The following IFT43 variants were observed in gnomAD, a reference collection of about 807,000 sequenced individuals.
IFT43 encodes intraflagellar transport 43, also known as intraflagellar transport protein 43 homolog.
A neutral mutation model predicts 32.3 loss-of-function variants in IFT43; 33 were observed. The ratio of observed to expected loss-of-function variants is 1.02; its 90% CI spans 0.77 to 1.37. IFT43 has a LOEUF of 1.37. Among genes scored for constraint, IFT43 ranks in the 40% most tolerant of loss-of-function variants. IFT43 has a pLI of 0.00. For missense variants in IFT43, 274 were observed against 265.9 expected (o/e 1.03, Z -0.21); for synonymous variants, 93 against 98.2 (o/e 0.95, Z 0.31).
chr14:76,042,875 G>A (rs907130002), intron 3 of IFT43, among the ~76,000 whole-genome samples: 1 of 152,182 alleles, frequency 6.6e-6, no homozygotes, highest in Non-Finnish European at 1.5e-5. Context: ...CCAGAGCGAG[G>A]CACTCCAAGT....
intron 4 of IFT43, chr14:76,058,921 TCAGGGTACTGGCC>T: frequency 6.9e-7 from 1 of 1,454,428 alleles, no homozygotes; most frequent in Non-Finnish European, 9.0e-7. Context: ...TGTCCAGGTA[TCAGGGTACTGGCC>T]CATGCCTTCT....
intron 5 of IFT43, among the ~76,000 whole-genome samples, chr14:76,071,399 G>C (rs937581184): frequency 1.3e-5 from 2 of 152,184 alleles, no homozygotes; most frequent in African/African-American, 4.8e-5. Flanking sequence ...TCTTACAGAG[G>C]AGGAAACCAA....
chr14:76,077,967 A>T (rs562073886), intron 5 of IFT43, among the ~76,000 whole-genome samples: 88 of 152,314 alleles, frequency 5.8e-4, no homozygotes, highest in African/African-American at 2.1e-3. Context: ...ACACCCCCAA[A>T]TTAAATCCTC....
rs57199375 is a variant in IFT43 at position 76,082,440 on chromosome 14, GGACCTT to G, written c.368+76_368+81del. The G allele has an allele frequency of 0.37, 432,535 of 1,176,082 alleles. 82,264 individuals are homozygous for G. The highest frequency in any genetic ancestry group is 0.42 in the East Asian group (17,808 of 42,896). The allele number at this position is 1,176,082 out of a possible 1,614,324, so 72.9% of individuals were successfully genotyped here. A position where few individuals can be genotyped will look rare whatever the true frequency, so the allele number is the denominator to read the frequency against. On this transcript the variant is annotated intron_variant, in intron 6 of 8. Transcript: ENST00000314067. ...ATACACTCCAGATATCATCTATAGT[GGACCTT>G]GATGTCAATCTGGATCTTTCTGGTG...
chr14:75,999,296 T>TTA (rs2035838616), intron 2 of IFT43, among the ~76,000 whole-genome samples: 1 of 118,030 alleles, frequency 8.5e-6, no homozygotes, highest in African/African-American at 3.4e-5. Context: ...TTTTTTTTTT[T>TTA]TTTTAATTTT....
rs1269045394 is a variant in IFT43, at chr14:76,067,043, CCCTT to C, written c.295+7676_295+7679del. Among the ~76,000 whole-genome samples the C allele has an allele frequency of 3.3e-5, 5 of 152,188 alleles. No individual in the cohort carries two copies. In the East Asian group the frequency reaches 9.6e-4, roughly 29 times the overall value. ...GAGCTTCTGATCCAGTGAGGAAATG[CCCTT>C]CCTTCTCTTTCTTTCGGTCTTTCAT... On this transcript the variant is annotated intron_variant, in intron 5 of 8. Coordinates refer to ENST00000314067, the MANE Select transcript of IFT43 (RefSeq NM_001102564.3).
chr14:76,056,283 G>A (rs2037013340), intron 3 of IFT43, among the ~76,000 whole-genome samples: 1 of 152,200 alleles, frequency 6.6e-6, no homozygotes, highest in African/African-American at 2.4e-5. Context: ...GGGCATCCCT[G>A]CTGCCCGTCC....
chr14:76,011,294 T>C (rs1463665167), intron 2 of IFT43, among the ~76,000 whole-genome samples: 1 of 152,172 alleles, frequency 6.6e-6, no homozygotes, highest in Non-Finnish European at 1.5e-5. Context: ...CTGGGTTTGT[T>C]TGATTCTTTC....
chr14:76,030,346 G>A (rs1363774487), intron 3 of IFT43, among the ~76,000 whole-genome samples: 9 of 152,058 alleles, frequency 5.9e-5, no homozygotes, highest in African/African-American at 1.2e-4. Context: ...ATTAGAGTAC[G>A]TGCTTGCTTT....
chr14:75,995,003 GC>G (rs772185117), intron 2 of IFT43, among the ~76,000 whole-genome samples: 27 of 152,304 alleles, frequency 1.8e-4, no homozygotes, highest in Non-Finnish European at 3.5e-4. Flanking sequence ...TTTTGGCTTA[GC>G]TTTTATTTTG....
At chr14:76,039,868 ATGGGAACATATGCAT>A (rs1351738337) in intron 3 of IFT43, among the ~76,000 whole-genome samples, 3 of 152,174 alleles carry the variant, frequency 2.0e-5, no homozygotes, top group African/African-American at 7.2e-5. Flanking sequence ...ACAGACACAA[ATGGGAACATATGCAT>A]TCTGCACTTT....
chr14:76,064,852 CT>C (rs2037201641), intron 5 of IFT43, among the ~76,000 whole-genome samples: 1 of 152,202 alleles, frequency 6.6e-6, no homozygotes, highest in Non-Finnish European at 1.5e-5. Flanking sequence ...CTCCTCCAGG[CT>C]TTTCTCCACC....
At chr14:76,029,644 T>C (rs2036468998) in intron 3 of IFT43, among the ~76,000 whole-genome samples, 1 of 152,076 alleles carries the variant, frequency 6.6e-6, no homozygotes, top group South Asian at 2.1e-4. Context: ...TCTTATATAG[T>C]GATAGGAAGG....
chr14:75,993,484 C>G (rs1275627832), intron 2 of IFT43, among the ~76,000 whole-genome samples: 1 of 152,190 alleles, frequency 6.6e-6, no homozygotes, highest in Non-Finnish European at 1.5e-5. Flanking sequence ...TTTGATCTGC[C>G]TGGTTCCCAT....
intron 5 of IFT43, among the ~76,000 whole-genome samples, chr14:76,077,123 G>T (rs898367138): frequency 2.0e-5 from 3 of 152,094 alleles, no homozygotes; most frequent in Non-Finnish European, 2.9e-5. Context: ...CCAGCCTCAG[G>T]TTGGAAGCCA....
intron 3 of IFT43, among the ~76,000 whole-genome samples, chr14:76,037,691 G>GTTTTTTTTTTTT (rs34567798): frequency 6.8e-6 from 1 of 146,896 alleles, no homozygotes. Flanking sequence ...CTCATTCTCT[G>GTTTTTTTTTTTT]TTTTTTTTTT....
At position 76,082,632 on chromosome 14, in the gene IFT43, G is replaced by A. The variant is rs1450535248; in HGVS notation, c.384G>A (p.Arg128=). 3 of 1,614,006 alleles carry A rather than the reference G, an allele frequency of 1.9e-6. No homozygotes were observed. Among genetic ancestry groups the A allele is most frequent in the East Asian group, 2.2e-5 (1 of 44,892 alleles). ...TTTCCTTCAGCATCCAGATAAAGCG[G>A]GTGATGACCTACCGTGACCTGGACA... ...VAAPPSIQIK[R]VMTYRDLDND... is the part of the protein sequence containing the mutation. Residue 128 remains arginine (R), a synonymous_variant, in exon 7 of 9, where the codon CGG becomes CGA. Coordinates refer to ENST00000314067, the MANE Select transcript of IFT43 (RefSeq NM_001102564.3).
intron 2 of IFT43, among the ~76,000 whole-genome samples, chr14:75,990,453 A>G (rs558710862): frequency 6.6e-6 from 1 of 152,352 alleles, no homozygotes. Flanking sequence ...CTCATAAGAT[A>G]TGAGCATCTG....
At chr14:76,021,248 G>A (rs914402622) in intron 2 of IFT43, among the ~76,000 whole-genome samples, 5 of 152,078 alleles carry the variant, frequency 3.3e-5, no homozygotes, top group Admixed American at 6.5e-5. Flanking sequence ...CACTGTACTC[G>A]GTCACTGGCA....
Sources: gnomAD v4.1 joint callset for allele counts (sites outside exome capture counted in the v4.1 genomes callset) on GRCh38, gnomAD v4.1.1 for gene constraint, MANE v1.5 for transcripts, NCBI Gene and HGNC (gene_info 2026-07-23, HGNC 2026-07-21) for gene names.